The following DCC variants were observed in gnomAD, a reference collection of about 807,000 sequenced individuals.
DCC encodes netrin receptor DCC.
In DCC, 58 loss-of-function variants were observed where a neutral mutation model predicts 172.5. The ratio of observed to expected loss-of-function variants is 0.34; its 90% CI spans 0.27 to 0.42. DCC has a LOEUF of 0.42. Among genes scored for constraint, DCC ranks in the 10% least tolerant of loss-of-function variants. The pLI is 1.00. For synonymous variants in DCC, 709 were observed against 644.5 expected, an observed-to-expected ratio of 1.10 and a Z score of -1.52; for missense variants, 1,740 against 1,791.0, an observed-to-expected ratio of 0.97 and a Z score of 0.51.
chr18:53,003,144 G>C (rs1040721996), intron 5 of DCC, among the ~76,000 whole-genome samples: 1 of 152,156 alleles, frequency 6.6e-6, no homozygotes, highest in African/African-American at 2.4e-5. Context: ...GAGGTGGAAA[G>C]TGACTTGACG....
At chr18:53,275,291 T>C (rs1018055285) in intron 12 of DCC, among the ~76,000 whole-genome samples, 5 of 152,092 alleles carry the variant, frequency 3.3e-5, no homozygotes, top group African/African-American at 4.8e-5. Context: ...ACTAAGAAGA[T>C]AAAAATCATT....
intron 3 of DCC, among the ~76,000 whole-genome samples, chr18:52,919,733 A>G (rs963593756): frequency 2.0e-5 from 3 of 152,120 alleles, no homozygotes; most frequent in Non-Finnish European, 2.9e-5. Context: ...AACAACATGA[A>G]TCTAAAAGTT....
intron 17 of DCC, among the ~76,000 whole-genome samples, chr18:53,392,140 T>C (rs1237431307): frequency 6.6e-6 from 1 of 152,164 alleles, no homozygotes; most frequent in Non-Finnish European, 1.5e-5. Flanking sequence ...GCTGAGTTTG[T>C]ATAAATGATT....
chr18:52,746,114 T>C (rs1333601647), intron 1 of DCC, among the ~76,000 whole-genome samples: 1 of 152,240 alleles, frequency 6.6e-6, no homozygotes, highest in African/African-American at 2.4e-5. Context: ...AAGTAGATTA[T>C]ATTGCATCAT....
At chr18:53,241,216 G>C (rs2056288720) in intron 12 of DCC, among the ~76,000 whole-genome samples, 1 of 152,156 alleles carries the variant, frequency 6.6e-6, no homozygotes, top group Non-Finnish European at 1.5e-5. Flanking sequence ...TCTTAAATTT[G>C]TGACTGTCAA....
chr18:53,246,997 A>G (rs2056372782), intron 12 of DCC, among the ~76,000 whole-genome samples: 1 of 152,054 alleles, frequency 6.6e-6, no homozygotes, highest in Non-Finnish European at 1.5e-5. Flanking sequence ...TGAGTGTTCT[A>G]AGTAAAGGAA....
chr18:53,442,157 T>C (rs1000893995), intron 22 of DCC, among the ~76,000 whole-genome samples: 1 of 152,240 alleles, frequency 6.6e-6, no homozygotes. Flanking sequence ...ATTGTAATTT[T>C]ATACAGGCAT....
chr18:52,643,622 T>C (rs1038193885), intron 1 of DCC, among the ~76,000 whole-genome samples: 4 of 152,214 alleles, frequency 2.6e-5, no homozygotes, highest in Admixed American at 6.5e-5. Context: ...TATTTGGAGA[T>C]AGAAGAAAAT....
At chr18:52,433,687 G>A (rs1014670136) in intron 1 of DCC, among the ~76,000 whole-genome samples, 1 of 152,056 alleles carries the variant, frequency 6.6e-6, no homozygotes, top group East Asian at 1.9e-4. Flanking sequence ...AGAGGTTATT[G>A]GTAATCTATT....
chr18:53,393,882 A>G (rs1274761206), intron 17 of DCC, among the ~76,000 whole-genome samples: 2 of 135,040 alleles, frequency 1.5e-5, no homozygotes, highest in Non-Finnish European at 3.3e-5. Flanking sequence ...AAGGCTTTCA[A>G]TTACTAATGT....
At chr18:53,522,636 T>C (rs1408455669) in intron 27 of DCC, among the ~76,000 whole-genome samples, 1 of 152,112 alleles carries the variant, frequency 6.6e-6, no homozygotes, top group Non-Finnish European at 1.5e-5. Context: ...CCATCTGATC[T>C]TTGACAAACC....
intron 21 of DCC, among the ~76,000 whole-genome samples, chr18:53,433,194 T>C (rs1477725772): frequency 6.6e-6 from 1 of 152,170 alleles, no homozygotes; most frequent in Non-Finnish European, 1.5e-5. Flanking sequence ...CGCTTTGACC[T>C]ATACGGCATC....
chr18:52,563,896 T>C (rs2144745014), intron 1 of DCC, among the ~76,000 whole-genome samples: 1 of 152,246 alleles, frequency 6.6e-6, no homozygotes. Flanking sequence ...TGTGCCAAAA[T>C]CCCTGAGTCT....
intron 2 of DCC, among the ~76,000 whole-genome samples, chr18:52,773,829 C>CAT (rs369197942): frequency 0.024 from 3,356 of 137,370 alleles, 85 homozygotes; most frequent in East Asian, 0.19. Context: ...GTGCCCAGCC[C>CAT]ATATATATAT....
At chr18:53,255,692 T>A (rs1310467270) in intron 12 of DCC, among the ~76,000 whole-genome samples, 1 of 152,130 alleles carries the variant, frequency 6.6e-6, no homozygotes, top group Non-Finnish European at 1.5e-5. Context: ...CATGTCTTTA[T>A]AGCAGCATGT....
intron 1 of DCC, among the ~76,000 whole-genome samples, chr18:52,726,362 G>T (rs542278994): frequency 9.2e-5 from 14 of 152,172 alleles, no homozygotes; most frequent in African/African-American, 3.4e-4. Flanking sequence ...CGTAGTAATT[G>T]TGATTTTTCT....
chr18:52,950,644 G>A (rs2040624829), intron 5 of DCC, among the ~76,000 whole-genome samples: 1 of 152,122 alleles, frequency 6.6e-6, no homozygotes, highest in African/African-American at 2.4e-5. Flanking sequence ...CTGAATATAG[G>A]CTGGGCGTGG....
At chr18:52,806,623 AGAAAG>A (rs1355803767) in intron 2 of DCC, among the ~76,000 whole-genome samples, 1 of 152,218 alleles carries the variant, frequency 6.6e-6, no homozygotes, top group Non-Finnish European at 1.5e-5. Context: ...GGGCATTAAA[AGAAAG>A]GAGAGGAATA....
chr18:53,106,441 C>G (rs2043249084), intron 7 of DCC, among the ~76,000 whole-genome samples: 1 of 151,874 alleles, frequency 6.6e-6, no homozygotes, highest in Admixed American at 6.6e-5. Flanking sequence ...GTCCAGAATT[C>G]ATGTTTCTTC....
Sources: gnomAD v4.1 joint callset for allele counts (sites outside exome capture counted in the v4.1 genomes callset) on GRCh38, gnomAD v4.1.1 for gene constraint, MANE v1.5 for transcripts, NCBI Gene and HGNC (gene_info 2026-07-23, HGNC 2026-07-21) for gene names.